Variants in MYRF observed in about 807,000 individuals in gnomAD.
The protein encoded by MYRF is myelin gene regulatory factor.
Under a neutral mutation model 126.3 loss-of-function variants are expected in MYRF, and 16 were observed. That is an observed-to-expected ratio of 0.13 (90% CI 0.09 to 0.19). MYRF has a LOEUF of 0.19. Among genes scored for constraint, MYRF ranks in the 10% least tolerant of loss-of-function variants. The pLI, the probability that MYRF is intolerant of heterozygous loss-of-function variation, is 1.00. For missense variants in MYRF, 1,104 were observed against 1,547.0 expected (o/e 0.71, Z 4.80); for synonymous variants, 608 against 635.3 (o/e 0.96, Z 0.65).
Position 61,757,824 on chromosome 11 carries a change from C to T in MYRF, c.46+5034C>T, listed in dbSNP as rs569749734. 6.6e-6 allele frequency among the ~76,000 whole-genome samples: 1 copy of T among 152,238 alleles called. No individual in the cohort carries two copies. The highest frequency in any genetic ancestry group is 2.1e-4 in the South Asian group (1 of 4,822). On this transcript the variant is annotated intron_variant, in intron 1 of 26. Coordinates refer to ENST00000278836, the MANE Select transcript of MYRF (RefSeq NM_001127392.3). The surrounding 1 kb of genome is among the most constrained non-coding windows in gnomAD (Gnocchi z 4.7). ...TTCTGAGGGGGACTGTGAGGCAGGA[C>T]AGGAAGGCGATGATGTGTCAGGCTC...
chr11:61,760,409 C>A (rs958756712), intron 1 of MYRF, among the ~76,000 whole-genome samples: 2 of 152,140 alleles, frequency 1.3e-5, no homozygotes, highest in African/African-American at 2.4e-5. Flanking sequence ...GCTGCCAGGG[C>A]AGGCAGGGAG....
At chr11:61,784,660 G>C in intron 25 of MYRF, 1 of 394,050 alleles carries the variant, frequency 2.5e-6, no homozygotes, top group Admixed American at 4.1e-5. Context: ...TGAGTGCAAT[G>C]ATGGAAACAG....
chr11:61,771,371 A>G, intron 5 of MYRF, 129 bp from the exon 6 acceptor site: 1 of 1,279,168 alleles, frequency 7.8e-7, no homozygotes. Context: ...GGGCTTCCTG[A>G]AGGAGGTGTC....
rs1361165292 is a variant in MYRF, at chr11:61,769,335, G to A, written c.460+14G>A. The A allele has an allele frequency of 2.3e-5, 37 of 1,602,756 alleles. No individual in the cohort carries two copies. The highest frequency in any genetic ancestry group is 3.1e-5 in the Non-Finnish European group (36 of 1,174,378). On this transcript the variant is annotated intron_variant, in intron 4 of 26. Coordinates refer to ENST00000278836, the MANE Select transcript of MYRF (RefSeq NM_001127392.3). Reference sequence around the variant, plus strand: ...AGCAGGTGAATGGTGAGTCCAGCGGGCACCGCCCTCCTGCTCCAGGGTTTG... The same window carrying A: ...AGCAGGTGAATGGTGAGTCCAGCGGACACCGCCCTCCTGCTCCAGGGTTTG...
chr11:61,758,318 C>T (rs763503074), intron 1 of MYRF, among the ~76,000 whole-genome samples: 2 of 152,228 alleles, frequency 1.3e-5, no homozygotes, highest in African/African-American at 2.4e-5. Context: ...TATCTCCCTC[C>T]GGCCTCCCTC....
At chr11:61,772,125 A>G (rs1591107039) in intron 7 of MYRF, among the ~76,000 whole-genome samples, 173 bp downstream of exon 7, 1 of 152,258 alleles carries the variant, frequency 6.6e-6, no homozygotes, top group Middle Eastern at 3.4e-3. Flanking sequence ...CTCCTAGGCC[A>G]GCCCCAGGCC....
At position 61,769,911 on chromosome 11, in the gene MYRF, G is replaced by A. The variant is rs456613; in HGVS notation, c.461-335G>A. On this transcript the variant is annotated intron_variant, in intron 4 of 26. Transcript: ENST00000278836. ...GCCTGGGCTGGGGGTCTCCGGAGACGCCTTCCTGAGGCCCAGAGGAGGAGC... is the reference window on the plus strand; with the variant it reads ...GCCTGGGCTGGGGGTCTCCGGAGACACCTTCCTGAGGCCCAGAGGAGGAGC... Among the ~76,000 whole-genome samples the A allele has an allele frequency of 9.0e-3, 1,366 of 152,146 alleles. 20 individuals are homozygous for A. Among genetic ancestry groups the A allele is most frequent in the African/African-American group, 0.031 (1,294 of 41,520 alleles).
At chr11:61,767,141 G>A (rs1323885151) in intron 3 of MYRF, 1 of 456,392 alleles carries the variant, frequency 2.2e-6, no homozygotes, top group East Asian at 7.0e-5. Flanking sequence ...TGAGCTCCCT[G>A]GCTTTTGGGG....
At chr11:61,767,116 G>C (rs1191500782) in intron 3 of MYRF, 4 of 456,378 alleles carry the variant, frequency 8.8e-6, no homozygotes, top group East Asian at 7.0e-5. Flanking sequence ...TGGACACATG[G>C]CCGGCCGTGC....
In MYRF at chr11:61,783,259, C is replaced by G. The variant is rs1156392563; in HGVS notation, c.3017-239C>G. On this transcript the variant is annotated intron_variant, in intron 22 of 26. Transcript: ENST00000278836. The surrounding 1 kb of genome is among the most constrained non-coding windows in gnomAD (Gnocchi z 4.6). ...TGGCAGGGGATGTGAAGACCCATCC[C>G]TACTTCTGGGTGTTCCAGTTCTTTT... 8 of 414,706 alleles carry G rather than the reference C, an allele frequency of 1.9e-5. No individual in the cohort carries two copies. The highest frequency in any genetic ancestry group is 3.1e-5 in the Non-Finnish European group (7 of 225,586). The allele number at this position is 414,706 out of a possible 1,614,324, so 25.7% of individuals were successfully genotyped here.
At position 61,783,382 on chromosome 11, in the gene MYRF, A is replaced by G; in HGVS notation, c.3017-116A>G. ...TGGCCATTGTGGAGGTCTGGAAAAAAATAACCTGGAACTTATTCATACTAA... is the reference window on the plus strand; with the variant it reads ...TGGCCATTGTGGAGGTCTGGAAAAAGATAACCTGGAACTTATTCATACTAA... On this transcript the variant is annotated intron_variant, in intron 22 of 26. Coordinates refer to ENST00000278836, the MANE Select transcript of MYRF (RefSeq NM_001127392.3). This position sits in a 1 kb window ranked among gnomAD's most constrained non-coding sequence, Gnocchi z 4.6. The G allele has an allele frequency of 1.2e-6, 1 of 803,156 alleles. No individual in the cohort carries two copies. Among genetic ancestry groups the G allele is most frequent in the East Asian group, 2.5e-5 (1 of 40,562 alleles). 49.8% of individuals were successfully genotyped at this position (803,156 alleles called of 1,614,324 possible).
At chr11:61,784,002 G>A in intron 24 of MYRF, 77 bp downstream of exon 24, 1 of 1,476,260 alleles carries the variant, frequency 6.8e-7, no homozygotes, top group South Asian at 1.2e-5. Flanking sequence ...GAACAGCCGA[G>A]TCTGAGGACA....
Position 61,766,045 on chromosome 11 carries a change from C to A in MYRF, c.222C>A (p.His74Gln), listed in dbSNP as rs1197501399. The stretch of plus-strand genomic sequence containing the variant: ...TGCCTGGCTCCAGCGGGGTCCACCA[C>A]CTGAGCCCCCCTGGGGGTGGACCCT... ...PAMPGSSGVHHLSPPGGGPSP... is the reference protein window; with the variant it reads ...PAMPGSSGVHQLSPPGGGPSP... The change falls in exon 3 of 27, where the codon CAC becomes CAA. Residue 74 changes from histidine (H) to glutamine (Q), a missense_variant. Coordinates refer to ENST00000278836, the MANE Select transcript of MYRF (RefSeq NM_001127392.3). The A allele has an allele frequency of 6.2e-7, 1 of 1,600,194 alleles. No individual in the cohort carries two copies. Among genetic ancestry groups the A allele is most frequent in the Admixed American group, 1.7e-5 (1 of 58,852 alleles).
chr11:61,780,128 C>T (rs766363478), intron 17 of MYRF, 94 bp from the exon 18 acceptor site: 2 of 1,470,164 alleles, frequency 1.4e-6, no homozygotes, highest in Admixed American at 3.7e-5. Flanking sequence ...ACCTGGGAGC[C>T]CAGCCTCAGG....
chr11:61,772,004 G>T (rs754240763), intron 7 of MYRF, 52 bp downstream of exon 7: 4 of 1,605,510 alleles, frequency 2.5e-6, no homozygotes, highest in African/African-American at 2.7e-5. Context: ...ACCTTGGGAC[G>T]CCCCAGCCCA....
In MYRF at chr11:61,787,887, G is replaced by T. The variant is rs766628951; in HGVS notation, c.*1744G>T. 1.3e-5 allele frequency: 2 copies of T among 152,662 alleles called. No homozygotes were observed. The highest frequency in any genetic ancestry group is 1.9e-4 in the East Asian group (1 of 5,240). 9.5% of individuals were successfully genotyped at this position (152,662 alleles called of 1,614,324 possible). On this transcript the variant is annotated 3_prime_UTR_variant, in exon 27 of 27. Transcript: ENST00000278836. ...ACTGCGGGCCCTCAGTCCTTAACTG[G>T]AAAGTGACCGTCCACTGCCCCATGG...
intron 8 of MYRF, 150 bp from the exon 9 acceptor site, chr11:61,775,906 T>C: frequency 1.4e-6 from 1 of 696,522 alleles, no homozygotes; most frequent in Non-Finnish European, 2.5e-6. Context: ...GCAGAAGGCA[T>C]CTGAGCTTGT....
rs761512798 is a variant in MYRF, at chr11:61,785,839, C to T, written c.3340C>T (p.Arg1114Cys). Residue 1114 changes from arginine to cysteine, a missense_variant, in exon 26 of 27, where the codon CGT becomes TGT. Physicochemically the swap from Arg to Cys is radical, Grantham distance 180 (BLOSUM62 -3). Coordinates refer to ENST00000278836, the MANE Select transcript of MYRF (RefSeq NM_001127392.3). ...HRWPITILSF[R>C]EFTYHFRVAL... The stretch of plus-strand genomic sequence containing the variant: ...GTGGCCAATAACCATCCTGTCCTTC[C>T]GTGAATTCACCTACCACTTCCGGGT... 5 of 1,614,048 alleles carry T rather than the reference C, an allele frequency of 3.1e-6. No homozygotes were observed. Among genetic ancestry groups the T allele is most frequent in the Non-Finnish European group, 2.5e-6 (3 of 1,180,032 alleles).
chr11:61,778,662 C>T lies in MYRF; in HGVS notation c.2013+173C>T. The stretch of plus-strand genomic sequence containing the variant: ...ACCCCACAGGGAAGGGGTGAGTGTT[C>T]AAGGAGATGAGTGGGTAGGGATTTG... On this transcript the variant is annotated intron_variant, in intron 14 of 26. Transcript: ENST00000278836. The surrounding 1 kb of genome is among the most constrained non-coding windows in gnomAD (Gnocchi z 4.6). 1.5e-6 allele frequency: 1 copy of T among 662,966 alleles called. No homozygotes were observed. Among genetic ancestry groups the T allele is most frequent in the Non-Finnish European group, 2.8e-6 (1 of 361,104 alleles). 41.1% of individuals were successfully genotyped at this position (662,966 alleles called of 1,614,324 possible). A position where few individuals can be genotyped will look rare whatever the true frequency, so the allele number is the denominator to read the frequency against.
Sources: gnomAD v4.1 joint callset for allele counts (sites outside exome capture counted in the v4.1 genomes callset) on GRCh38, gnomAD v4.1.1 for gene constraint, Gnocchi (gnomAD v3.1) non-coding constraint, MANE v1.5 for transcripts, NCBI Gene and HGNC (gene_info 2026-07-23, HGNC 2026-07-21) for gene names.